The following NTM variants were observed in gnomAD, a reference collection of about 807,000 sequenced individuals.
NTM encodes the protein neurotrimin, also known as IgLON family member 2.
NTM carries 13 observed loss-of-function variants against 42.1 expected under a neutral mutation model. The ratio of observed to expected loss-of-function variants is 0.31; its 90% CI spans 0.20 to 0.49. The LOEUF (loss-of-function observed/expected upper bound fraction) is 0.49, where lower values mean the gene tolerates loss of function less well. Among genes scored for constraint, NTM ranks in the 20% least tolerant of loss-of-function variants. NTM has a pLI of 0.99. For missense variants in NTM, 373 were observed against 452.8 expected (o/e 0.82, Z 1.60); for synonymous variants, 187 against 179.2 (o/e 1.04, Z -0.35).
At chr11:131,776,494 T>C (rs972103931) in intron 1 of NTM, among the ~76,000 whole-genome samples, 1 of 152,180 alleles carries the variant, frequency 6.6e-6, no homozygotes, top group Non-Finnish European at 1.5e-5. Flanking sequence ...AATGTTTCAC[T>C]ACAGCAGAGC....
chr11:131,588,858 A>G (rs2059112581), intron 1 of NTM, among the ~76,000 whole-genome samples: 1 of 152,226 alleles, frequency 6.6e-6, no homozygotes, highest in Admixed American at 6.5e-5. Flanking sequence ...CTGCTTGATG[A>G]TTCTGAGAGA....
At chr11:132,054,428 G>C (rs1173304450) in intron 2 of NTM, among the ~76,000 whole-genome samples, 2 of 152,274 alleles carry the variant, frequency 1.3e-5, no homozygotes, top group Non-Finnish European at 2.9e-5. Flanking sequence ...TACTGGATGG[G>C]CACAGTGGAT....
intron 1 of NTM, among the ~76,000 whole-genome samples, chr11:131,547,674 T>G (rs1024810052): frequency 6.6e-6 from 1 of 152,174 alleles, no homozygotes; most frequent in East Asian, 1.9e-4. Context: ...CCTTTTGAGA[T>G]GTAAGATGGA....
intron 2 of NTM, among the ~76,000 whole-genome samples, chr11:132,125,252 A>G (rs2065481717): frequency 6.7e-6 from 1 of 148,290 alleles, no homozygotes; most frequent in South Asian, 2.2e-4. Context: ...CTTAGAGTGT[A>G]AAGTAGAAGA....
intron 1 of NTM, among the ~76,000 whole-genome samples, chr11:131,484,182 G>A (rs1953911865): frequency 6.6e-6 from 1 of 152,118 alleles, no homozygotes; most frequent in Non-Finnish European, 1.5e-5. Flanking sequence ...CCTGCATTAT[G>A]TTAAGTGTCC....
In NTM at chr11:131,645,899, T is replaced by C. The variant is rs372407324; in HGVS notation, c.83-265665T>C. The stretch of plus-strand genomic sequence containing the variant: ...CACTCTATACCATTAGAAACGTTCA[T>C]GACGTTTGGCTTTTGCAAAGTGAGA... On this transcript the variant is annotated intron_variant, in intron 1 of 8. Coordinates refer to ENST00000683400, the MANE Select transcript of NTM (RefSeq NM_001352005.2). 2.6e-5 allele frequency among the ~76,000 whole-genome samples: 4 copies of C among 152,318 alleles called. No individual in the cohort carries two copies. The East Asian group carries it at 5.8e-4, about 22-fold the overall frequency.
At chr11:131,630,124 T>C (rs2063507614) in intron 1 of NTM, among the ~76,000 whole-genome samples, 2 of 152,080 alleles carry the variant, frequency 1.3e-5, no homozygotes, top group Admixed American at 1.3e-4. Flanking sequence ...TAGCTGGAGC[T>C]TAATCACACG....
chr11:132,246,851 A>G (rs2091249932), intron 4 of NTM, among the ~76,000 whole-genome samples: 1 of 152,214 alleles, frequency 6.6e-6, no homozygotes, highest in African/African-American at 2.4e-5. Flanking sequence ...AGCATCCAGC[A>G]TGATGCCTAC....
chr11:131,660,958 A>C (rs780829483), intron 1 of NTM: 197 of 1,304,142 alleles, frequency 1.5e-4, no homozygotes, highest in Non-Finnish European at 1.9e-4. Flanking sequence ...GCTCATCCCC[A>C]AGGCAAAGTT....
chr11:132,185,618 CTT>C (rs2078270457), intron 3 of NTM, among the ~76,000 whole-genome samples: 1 of 152,180 alleles, frequency 6.6e-6, no homozygotes, highest in African/African-American at 2.4e-5. Context: ...GTATTGCTAA[CTT>C]TGCTGCATAT....
At chr11:131,542,283 G>T (rs1038883030) in intron 1 of NTM, among the ~76,000 whole-genome samples, 3 of 152,140 alleles carry the variant, frequency 2.0e-5, no homozygotes, top group Non-Finnish European at 4.4e-5. Context: ...TTTTCCAAGT[G>T]CCTAACAGGT....
At chr11:132,099,275 CAG>C (rs2061371318) in intron 2 of NTM, among the ~76,000 whole-genome samples, 1 of 152,200 alleles carries the variant, frequency 6.6e-6, no homozygotes, top group South Asian at 2.1e-4. Flanking sequence ...GAATTAGAAT[CAG>C]AGACTCATAC....
chr11:131,935,158 T>C, intron 2 of NTM, among the ~76,000 whole-genome samples: 1 of 152,210 alleles, frequency 6.6e-6, no homozygotes, highest in Admixed American at 6.5e-5. Flanking sequence ...TGTTACTGAC[T>C]GCAGTGCTTA....
chr11:132,236,749 C>A (rs2089004629), intron 4 of NTM, among the ~76,000 whole-genome samples: 1 of 152,198 alleles, frequency 6.6e-6, no homozygotes, highest in Admixed American at 6.5e-5. Flanking sequence ...TCCGAGAATT[C>A]TTTGCGCCAC....
intron 1 of NTM, among the ~76,000 whole-genome samples, chr11:131,380,607 G>A (rs1252287628): frequency 6.6e-5 from 10 of 152,010 alleles, no homozygotes; most frequent in African/African-American, 2.4e-4. Flanking sequence ...CTATTTACAT[G>A]TCTATCTCCC....
At chr11:131,719,813 G>A (rs780929933) in intron 1 of NTM, among the ~76,000 whole-genome samples, 1 of 152,196 alleles carries the variant, frequency 6.6e-6, no homozygotes, top group Admixed American at 6.5e-5. Context: ...CAGGATCTAA[G>A]TGGAAAAGTA....
intron 2 of NTM, among the ~76,000 whole-genome samples, chr11:132,001,399 A>T (rs1276450935): frequency 1.3e-5 from 2 of 152,242 alleles, no homozygotes; most frequent in Non-Finnish European, 2.9e-5. Flanking sequence ...ATAAAGATAT[A>T]CCTGAAATTG....
chr11:131,417,092 T>G (rs1007230718), intron 1 of NTM, among the ~76,000 whole-genome samples: 3 of 152,332 alleles, frequency 2.0e-5, no homozygotes, highest in Admixed American at 6.5e-5. Context: ...TTTCTCAGGA[T>G]CTACTAAACT....
At chr11:131,599,938 A>G (rs2512880) in intron 1 of NTM, among the ~76,000 whole-genome samples, 65,154 of 152,150 alleles carry the variant, frequency 0.43, 16,034 homozygotes, top group East Asian at 0.61. Context: ...GAGTAAGGAC[A>G]GTTAAGGAGT....
Sources: gnomAD v4.1 joint callset for allele counts (sites outside exome capture counted in the v4.1 genomes callset) on GRCh38, gnomAD v4.1.1 for gene constraint, MANE v1.5 for transcripts, NCBI Gene and HGNC (gene_info 2026-07-23, HGNC 2026-07-21) for gene names.